Variants in ARHGEF9 observed in about 807,000 individuals in gnomAD.
ARHGEF9 encodes the protein rho guanine nucleotide exchange factor 9.
A neutral mutation model predicts 41.3 loss-of-function variants in ARHGEF9; 2 were observed. The ratio of observed to expected loss-of-function variants is 0.05; its 90% CI spans 0.02 to 0.15. The LOEUF (loss-of-function observed/expected upper bound fraction) is 0.15. Ranked by LOEUF, ARHGEF9 falls within the 10% of genes least tolerant of loss-of-function variation. The pLI, the probability that ARHGEF9 is intolerant of heterozygous loss-of-function variation, is 1.00. For synonymous variants in ARHGEF9, 160 were observed against 154.4 expected (o/e 1.04, Z -0.27); for missense variants, 225 against 424.7 (o/e 0.53, Z 4.13).
chrX:63,765,977 G>A (rs2056107068), intron 1 of ARHGEF9, among the ~76,000 whole-genome samples: 1 of 112,203 alleles, frequency 8.9e-6, no homozygotes, highest in East Asian at 2.8e-4. Flanking sequence ...TGAGGGAAAT[G>A]CAGCAGGAAA....
At chrX:63,769,664 C>T (rs1556453558) in intron 1 of ARHGEF9, among the ~76,000 whole-genome samples, 1 of 111,519 alleles carries the variant, frequency 9.0e-6, no homozygotes, top group Admixed American at 9.5e-5. Context: ...AATCTAGGGA[C>T]TTGGTGCCCT....
chrX:63,701,948 T>C (rs1336507094), intron 3 of ARHGEF9, among the ~76,000 whole-genome samples: 1 of 112,351 alleles, frequency 8.9e-6, no homozygotes, highest in Non-Finnish European at 1.9e-5. Context: ...ATACAATGTG[T>C]TATCATTTTC....
intron 8 of ARHGEF9, among the ~76,000 whole-genome samples, chrX:63,650,299 T>C (rs1264711870): frequency 5.4e-5 from 6 of 111,548 alleles, no homozygotes; most frequent in South Asian, 3.7e-4. Context: ...AGTGGATTAA[T>C]GTATAAAGGA....
At chrX:63,642,314 A>C (rs2047686162) in intron 9 of ARHGEF9, 1 of 111,473 alleles carries the variant, frequency 9.0e-6, no homozygotes. Context: ...AATCTTACCA[A>C]GTTCTGTTAA....
chrX:63,652,265 C>G (rs1164865600), intron 8 of ARHGEF9, among the ~76,000 whole-genome samples: 1 of 111,556 alleles, frequency 9.0e-6, no homozygotes, highest in East Asian at 2.8e-4. Flanking sequence ...CCTCTGTAAC[C>G]ATGGGTTCCA....
At chrX:63,734,285 G>C (rs2054483851) in intron 1 of ARHGEF9, among the ~76,000 whole-genome samples, 1 of 112,160 alleles carries the variant, frequency 8.9e-6, no homozygotes, top group Non-Finnish European at 1.9e-5. Flanking sequence ...GATGATGTTG[G>C]CTAGAGAAGG....
At chrX:63,672,051 T>A (rs2049990117) in intron 6 of ARHGEF9, among the ~76,000 whole-genome samples, 1 of 111,167 alleles carries the variant, frequency 9.0e-6, no homozygotes. Context: ...GTGATGGTAT[T>A]TGGAGGTAAG....
chrX:63,769,887 G>A (rs1254469151), intron 1 of ARHGEF9, among the ~76,000 whole-genome samples: 1 of 112,584 alleles, frequency 8.9e-6, no homozygotes, highest in Non-Finnish European at 1.9e-5. Context: ...TGCTGTGGGA[G>A]GGGGAGATGC....
At chrX:63,638,535 G>A (rs1457590338) in intron 9 of ARHGEF9, 1 of 386,067 alleles carries the variant, frequency 2.6e-6, no homozygotes, top group Admixed American at 4.4e-5. Context: ...TAGCGACAAA[G>A]CAAGGGTTAG....
intron 1 of ARHGEF9, chrX:63,754,145 C>A: frequency 1.7e-6 from 1 of 584,495 alleles, no homozygotes. Flanking sequence ...GCAGAGCTTG[C>A]TCCATGAACG....
chrX:63,687,423 A>T, intron 4 of ARHGEF9, among the ~76,000 whole-genome samples: 2 of 111,642 alleles, frequency 1.8e-5, no homozygotes, highest in Admixed American at 1.9e-4. Context: ...GACAGTGAAG[A>T]CTGGAATAAA....
At chrX:63,660,800 A>G (rs2049166172) in intron 7 of ARHGEF9, among the ~76,000 whole-genome samples, 1 of 112,055 alleles carries the variant, frequency 8.9e-6, no homozygotes, top group South Asian at 3.7e-4. Flanking sequence ...AACCCTCACA[A>G]CTTCCCTTCC....
intron 4 of ARHGEF9, among the ~76,000 whole-genome samples, chrX:63,685,980 AT>A (rs1556375171): frequency 4.5e-5 from 5 of 111,945 alleles, no homozygotes; most frequent in Non-Finnish European, 9.4e-5. Flanking sequence ...AAAACTAAAA[AT>A]CGAATTACCA....
intron 1 of ARHGEF9, among the ~76,000 whole-genome samples, chrX:63,775,712 A>C (rs1348719071): frequency 9.0e-6 from 1 of 111,731 alleles, no homozygotes; most frequent in African/African-American, 3.3e-5. Context: ...CTGAAAAAAT[A>C]CCTATTGAGT....
intron 7 of ARHGEF9, among the ~76,000 whole-genome samples, chrX:63,658,731 C>T (rs782490142): frequency 8.9e-6 from 1 of 111,819 alleles, no homozygotes; most frequent in African/African-American, 3.2e-5. Flanking sequence ...CTCATTTAAA[C>T]TTTCCAAATA....
At chrX:63,685,845 T>G (rs1167727356) in intron 4 of ARHGEF9, among the ~76,000 whole-genome samples, 4 of 111,774 alleles carry the variant, frequency 3.6e-5, no homozygotes, top group Non-Finnish European at 7.5e-5. Context: ...ATATAACTTC[T>G]ATTTTTAAAA....
At chrX:63,670,958 C>T (rs1275101636) in intron 6 of ARHGEF9, among the ~76,000 whole-genome samples, 3 of 112,248 alleles carry the variant, frequency 2.7e-5, no homozygotes, top group Non-Finnish European at 5.6e-5. Context: ...GCTTCCTGCT[C>T]TCTAGCCAGA....
In ARHGEF9 at chrX:63,748,584, C is replaced by T. The variant is rs554077753; in HGVS notation, c.31-23873G>A. Among the ~76,000 whole-genome samples, 6 of 111,984 alleles carry T rather than the reference C, an allele frequency of 5.4e-5. No homozygotes were observed. The South Asian group carries it at 2.2e-3, about 42-fold the overall frequency. ...CAAGAGAGTAGAGGACTGGACTAGA[C>T]AGTAAATGGTTTGGACCTACATGCT... is the stretch of plus-strand genomic sequence containing the variant. On this transcript the variant is annotated intron_variant, in intron 1 of 9. Transcript: ENST00000671741.
intron 1 of ARHGEF9, chrX:63,755,137 A>T: frequency 3.2e-6 from 3 of 938,381 alleles, no homozygotes; most frequent in Non-Finnish European, 4.0e-6. Flanking sequence ...CGCTCAGCCC[A>T]TAGGCTGCCT....
Sources: gnomAD v4.1 joint callset for allele counts (sites outside exome capture counted in the v4.1 genomes callset) on GRCh38, gnomAD v4.1.1 for gene constraint, MANE v1.5 for transcripts, NCBI Gene and HGNC (gene_info 2026-07-23, HGNC 2026-07-21) for gene names.